Variants in GALNT13 observed in about 807,000 individuals in gnomAD.
GALNT13 encodes the protein polypeptide N-acetylgalactosaminyltransferase 13.
GALNT13 carries 28 observed loss-of-function variants against 64.2 expected under a neutral mutation model. The ratio of observed to expected loss-of-function variants is 0.44; its 90% CI spans 0.32 to 0.60. The LOEUF (loss-of-function observed/expected upper bound fraction) is 0.60. Ranked by LOEUF, GALNT13 falls within the 20% of genes least tolerant of loss-of-function variation. GALNT13 has a pLI of 0.05. For missense variants in GALNT13, 577 were observed against 669.8 expected (o/e 0.86, Z 1.53); for synonymous variants, 214 against 224.6 (o/e 0.95, Z 0.42).
the GALNT13 span, among the ~76,000 whole-genome samples, chr2:153,669,711 T>G: frequency 6.6e-6 from 1 of 151,902 alleles, no homozygotes; most frequent in Non-Finnish European, 1.5e-5. Flanking sequence ...CAAAGCAGGG[T>G]GGGGCATTGC....
At chr2:153,530,201 G>A in the GALNT13 span, among the ~76,000 whole-genome samples, 95 of 150,698 alleles carry the variant, frequency 6.3e-4, no homozygotes, top group Middle Eastern at 3.4e-3. Context: ...AGCAAAGTAG[G>A]ACAAAAAAAT....
intron 8 of GALNT13, among the ~76,000 whole-genome samples, chr2:154,297,453 G>A (rs1212063979): frequency 6.6e-6 from 1 of 152,128 alleles, no homozygotes; most frequent in Non-Finnish European, 1.5e-5. Flanking sequence ...GTCCTAATTT[G>A]ATAGGACTGA....
chr2:153,597,413 G>A, the GALNT13 span, among the ~76,000 whole-genome samples: 2 of 151,922 alleles, frequency 1.3e-5, no homozygotes, highest in Non-Finnish European at 2.9e-5. Context: ...AAATGGTACT[G>A]GACAACTGGA....
chr2:154,176,878 C>G (rs933486566), intron 4 of GALNT13, among the ~76,000 whole-genome samples: 3 of 151,934 alleles, frequency 2.0e-5, no homozygotes, highest in African/African-American at 7.3e-5. Context: ...TTTTCTTAGC[C>G]CAAATTTATG....
At chr2:154,068,459 A>C (rs566404718) in intron 3 of GALNT13, among the ~76,000 whole-genome samples, 125 of 152,110 alleles carry the variant, frequency 8.2e-4, no homozygotes, top group Non-Finnish European at 1.6e-3. Flanking sequence ...AGTGGAAGCA[A>C]CCTAAGTGCT....
chr2:153,980,860 A>G (rs1425279196), intron 3 of GALNT13, among the ~76,000 whole-genome samples: 2 of 152,150 alleles, frequency 1.3e-5, no homozygotes, highest in Non-Finnish European at 2.9e-5. Flanking sequence ...GCCGTAAGGT[A>G]TCGTGAAGGT....
intron 4 of GALNT13, among the ~76,000 whole-genome samples, chr2:154,191,836 C>T (rs1338267860): frequency 6.6e-6 from 1 of 152,076 alleles, no homozygotes; most frequent in Non-Finnish European, 1.5e-5. Context: ...TACCATGTGC[C>T]CTTTTAGTTT....
the GALNT13 span, among the ~76,000 whole-genome samples, chr2:153,623,958 C>G: frequency 6.6e-6 from 1 of 152,058 alleles, no homozygotes; most frequent in Admixed American, 6.6e-5. Flanking sequence ...ATCTCATGCA[C>G]ATGTTGTTTA....
intron 11 of GALNT13, among the ~76,000 whole-genome samples, chr2:154,413,615 T>A (rs1699885296): frequency 6.6e-6 from 1 of 151,964 alleles, no homozygotes; most frequent in Admixed American, 6.6e-5. Flanking sequence ...GACATACGTC[T>A]CATGATTTCT....
the GALNT13 span, among the ~76,000 whole-genome samples, chr2:153,260,234 A>G: frequency 5.9e-5 from 9 of 152,228 alleles, no homozygotes; most frequent in African/African-American, 1.7e-4. Context: ...AGATATGAGT[A>G]GTTTACACAG....
intron 4 of GALNT13, among the ~76,000 whole-genome samples, chr2:154,193,414 G>T (rs915307503): frequency 1.3e-5 from 2 of 152,118 alleles, no homozygotes; most frequent in Admixed American, 1.3e-4. Context: ...TCTCTCCTTG[G>T]GGGGCAGTAG....
chr2:153,443,235 G>A, the GALNT13 span, among the ~76,000 whole-genome samples: 1 of 152,194 alleles, frequency 6.6e-6, no homozygotes, highest in South Asian at 2.1e-4. Context: ...GAAAAGTGGA[G>A]TATCTGGGCC....
At chr2:153,211,738 G>C in the GALNT13 span, among the ~76,000 whole-genome samples, 13 of 152,112 alleles carry the variant, frequency 8.5e-5, no homozygotes, top group Non-Finnish European at 1.6e-4. Context: ...TGACAAGCTG[G>C]TAATACTGGT....
the GALNT13 span, among the ~76,000 whole-genome samples, chr2:153,557,299 T>C: frequency 1.3e-5 from 2 of 152,220 alleles, no homozygotes; most frequent in Non-Finnish European, 2.9e-5. Context: ...TATTAGGCTA[T>C]GCCATCTAAG....
the GALNT13 span, among the ~76,000 whole-genome samples, chr2:153,334,300 G>T: frequency 2.0e-5 from 3 of 152,158 alleles, no homozygotes; most frequent in South Asian, 6.2e-4. Flanking sequence ...ATAGATCATT[G>T]TGTCAAAGGC....
intron 4 of GALNT13, among the ~76,000 whole-genome samples, chr2:154,235,131 CCT>C (rs1298016631): frequency 6.6e-6 from 1 of 151,990 alleles, no homozygotes; most frequent in Non-Finnish European, 1.5e-5. Context: ...GCCCAATGAC[CCT>C]CTCACCCCAT....
At chr2:153,769,000 A>G in the GALNT13 span, among the ~76,000 whole-genome samples, 2 of 152,110 alleles carry the variant, frequency 1.3e-5, no homozygotes, top group Non-Finnish European at 2.9e-5. Flanking sequence ...TTTAGTCATT[A>G]CACCTGTCTC....
In GALNT13 at chr2:154,438,584, AT is replaced by A. The variant is rs1212862223; in HGVS notation, c.1396-4del. ...CATTTTTTTTATTAGCTGAATTTATATTTTCAGGTATTTTCTTACACTGCTG... is the reference window on the plus strand; with the variant it reads ...CATTTTTTTTATTAGCTGAATTTATATTTCAGGTATTTTCTTACACTGCTG... On this transcript the variant is annotated splice_region_variant and splice_polypyrimidine_tract_variant and intron_variant, in intron 11 of 12. Transcript: ENST00000392825. The A allele has an allele frequency of 6.2e-7, 1 of 1,600,866 alleles. No individual in the cohort carries two copies.
At chr2:154,305,371 T>C (rs914822193) in intron 9 of GALNT13, among the ~76,000 whole-genome samples, 1 of 150,908 alleles carries the variant, frequency 6.6e-6, no homozygotes, top group African/African-American at 2.4e-5. Context: ...TCCTTTACTA[T>C]AATACACATG....
Sources: gnomAD v4.1 joint callset for allele counts (sites outside exome capture counted in the v4.1 genomes callset) on GRCh38, gnomAD v4.1.1 for gene constraint, MANE v1.5 for transcripts, NCBI Gene and HGNC (gene_info 2026-07-23, HGNC 2026-07-21) for gene names.